Variants in LYPD6 observed in about 807,000 individuals in gnomAD.
LYPD6 encodes the protein LY6/PLAUR domain containing 6.
In LYPD6, 15 loss-of-function variants were observed where a neutral mutation model predicts 22.7. That is an observed-to-expected ratio of 0.66 (90% confidence interval 0.44 to 1.02). The LOEUF (loss-of-function observed/expected upper bound fraction) is 1.02, where lower values mean the gene tolerates loss of function less well. LYPD6 is among the 50% of genes least tolerant of loss of function. LYPD6 has a pLI of 0.00. For synonymous variants in LYPD6, 72 were observed against 77.5 expected (o/e 0.93, Z 0.37); for missense variants, 189 against 208.4 (o/e 0.91, Z 0.57).
At chr2:149,372,997 A>G (rs1189108528) in intron 1 of LYPD6, among the ~76,000 whole-genome samples, 3 of 152,242 alleles carry the variant, frequency 2.0e-5, no homozygotes, top group South Asian at 2.1e-4. Flanking sequence ...ACAGGATCAG[A>G]TTTGTGCTTT....
At chr2:149,431,753 A>G (rs1342113255) in intron 1 of LYPD6, among the ~76,000 whole-genome samples, 1 of 152,172 alleles carries the variant, frequency 6.6e-6, no homozygotes, top group Non-Finnish European at 1.5e-5. Flanking sequence ...TCTGTTTATA[A>G]AAAATAATGT....
chr2:149,436,886 G>A (rs553641101), intron 1 of LYPD6, among the ~76,000 whole-genome samples: 13 of 152,246 alleles, frequency 8.5e-5, no homozygotes, highest in South Asian at 2.1e-4. Context: ...CATCCAATCC[G>A]TTTTTTAAAT....
chr2:149,350,026 T>C (rs993944354), intron 1 of LYPD6, among the ~76,000 whole-genome samples: 3 of 152,186 alleles, frequency 2.0e-5, no homozygotes, highest in Admixed American at 2.0e-4. Context: ...CTAAGGTGCA[T>C]GAGTATTTTA....
rs116657566 is a variant in LYPD6 at position 149,435,990 on chromosome 2, A to G, written c.-71-1648A>G. On this transcript the variant is annotated intron_variant, in intron 1 of 4. Transcript: ENST00000334166. ...AAAAAGTTATAATACTATTCACTTA[A>G]TGTGGTCCCATTCTGTAATTTTGAA... is the stretch of plus-strand genomic sequence containing the variant. Among the ~76,000 whole-genome samples the G allele has an allele frequency of 8.2e-3, 1,245 of 152,360 alleles. 15 individuals carry two copies. Among genetic ancestry groups the G allele is most frequent in the African/African-American group, 0.027 (1,129 of 41,588 alleles).
intron 1 of LYPD6, among the ~76,000 whole-genome samples, chr2:149,340,203 C>T (rs1681132011): frequency 2.0e-5 from 3 of 152,044 alleles, no homozygotes; most frequent in East Asian, 1.9e-4. Context: ...CCTAAAAAAG[C>T]AGGAGAGATA....
chr2:149,482,683 G>A, the LYPD6 span, among the ~76,000 whole-genome samples: 1 of 152,186 alleles, frequency 6.6e-6, no homozygotes, highest in Non-Finnish European at 1.5e-5. Flanking sequence ...TGCTGGTTTA[G>A]GGTAGTTGAG....
intron 3 of LYPD6, among the ~76,000 whole-genome samples, chr2:149,455,115 A>G (rs1326733536): frequency 6.6e-6 from 1 of 152,054 alleles, no homozygotes; most frequent in East Asian, 1.9e-4. Context: ...TCCAGTCTAC[A>G]ATGGCAGGCC....
intron 1 of LYPD6, among the ~76,000 whole-genome samples, chr2:149,391,286 T>C (rs1682302612): frequency 6.6e-6 from 1 of 152,232 alleles, no homozygotes; most frequent in African/African-American, 2.4e-5. Flanking sequence ...ACCACTTGTT[T>C]AATGTCACTG....
chr2:149,465,136 T>G (rs1191073994), intron 3 of LYPD6, among the ~76,000 whole-genome samples: 1 of 152,190 alleles, frequency 6.6e-6, no homozygotes, highest in South Asian at 2.1e-4. Flanking sequence ...GAATATCGAC[T>G]TTCATATTAG....
At chr2:149,469,190 A>T (rs1681276963) in intron 4 of LYPD6, among the ~76,000 whole-genome samples, 1 of 152,102 alleles carries the variant, frequency 6.6e-6, no homozygotes, top group African/African-American at 2.4e-5. Flanking sequence ...TCATGTTGTG[A>T]CTGGGATGTT....
rs1410485494 is a variant in LYPD6, at chr2:149,342,128, T to TA, written c.-72+11408dup. 2.0e-5 allele frequency among the ~76,000 whole-genome samples: 3 copies of TA among 152,186 alleles called. No homozygotes were observed. The East Asian group carries it at 5.8e-4, about 29-fold the overall frequency. Reference sequence around the variant, plus strand: ...TTGAGGGTATTCACAAAACAGACTCTAAGCCCTGAGTTGCCCATGACCTAG... The same window carrying TA: ...TTGAGGGTATTCACAAAACAGACTCTAAAGCCCTGAGTTGCCCATGACCTAG... On this transcript the variant is annotated intron_variant, in intron 1 of 4. Coordinates refer to ENST00000334166, the MANE Select transcript of LYPD6 (RefSeq NM_194317.5).
intron 1 of LYPD6, among the ~76,000 whole-genome samples, chr2:149,404,550 A>G (rs1229020252): frequency 1.3e-5 from 2 of 152,156 alleles, no homozygotes; most frequent in African/African-American, 4.8e-5. Context: ...TTATTGGTGT[A>G]TAAGAATGCT....
At chr2:149,348,061 C>CA (rs58228847) in intron 1 of LYPD6, among the ~76,000 whole-genome samples, 23,868 of 76,738 alleles carry the variant, frequency 0.31, 3,251 homozygotes, top group Non-Finnish European at 0.4. Flanking sequence ...ACTAAAAATA[C>CA]AAAAAAAAAA....
chr2:149,422,253 T>G (rs950160062), intron 1 of LYPD6, among the ~76,000 whole-genome samples: 1 of 152,180 alleles, frequency 6.6e-6, no homozygotes, highest in Non-Finnish European at 1.5e-5. Context: ...TTCCCTATTT[T>G]GCAATTGAGG....
intron 1 of LYPD6, among the ~76,000 whole-genome samples, chr2:149,332,797 C>T (rs969590210): frequency 3.3e-5 from 5 of 152,202 alleles, no homozygotes; most frequent in African/African-American, 9.7e-5. Context: ...TGCTCAATAT[C>T]ATTTAGCTCC....
chr2:149,454,239 C>G (rs1377587949), intron 3 of LYPD6, among the ~76,000 whole-genome samples: 1 of 152,186 alleles, frequency 6.6e-6, no homozygotes, highest in African/African-American at 2.4e-5. Flanking sequence ...ACAAAGTGAA[C>G]ATGCTGTGTT....
At chr2:149,413,067 G>T (rs893404397) in intron 1 of LYPD6, among the ~76,000 whole-genome samples, 1 of 152,068 alleles carries the variant, frequency 6.6e-6, no homozygotes, top group African/African-American at 2.4e-5. Context: ...CTCTCCCAGG[G>T]CTTGTGTTTT....
chr2:149,432,485 G>C (rs1315634089), intron 1 of LYPD6, among the ~76,000 whole-genome samples: 2 of 152,180 alleles, frequency 1.3e-5, no homozygotes, highest in Non-Finnish European at 2.9e-5. Context: ...CATTCTGGCT[G>C]CTGAAGCGTA....
chr2:149,452,153 G>T (rs1201836605), intron 3 of LYPD6, among the ~76,000 whole-genome samples: 7 of 152,188 alleles, frequency 4.6e-5, no homozygotes, highest in Non-Finnish European at 1.0e-4. Context: ...CTCAGTGGAT[G>T]GGGAGAGAGC....
Sources: gnomAD v4.1 joint callset for allele counts (sites outside exome capture counted in the v4.1 genomes callset) on GRCh38, gnomAD v4.1.1 for gene constraint, MANE v1.5 for transcripts, NCBI Gene and HGNC (gene_info 2026-07-23, HGNC 2026-07-21) for gene names.